Variants in NBN observed in about 807,000 individuals in gnomAD.
The protein encoded by NBN is Nijmegen breakage syndrome 1 (nibrin).
NBN carries 88 observed loss-of-function variants against 90.8 expected under a neutral mutation model. The observed-to-expected ratio is 0.97, with a 90% CI of 0.82 to 1.16. The LOEUF (loss-of-function observed/expected upper bound fraction) is 1.16. NBN is among the 50% of genes most tolerant of loss of function. The pLI, the probability that NBN is intolerant of heterozygous loss-of-function variation, is 0.00. For synonymous variants in NBN, 328 were observed against 295.1 expected, an observed-to-expected ratio of 1.11 and a Z score of -1.14; for missense variants, 894 against 869.6, an observed-to-expected ratio of 1.03 and a Z score of -0.35.
At chr8:89,976,421 T>C (rs1466435877) in intron 5 of NBN, among the ~76,000 whole-genome samples, 1 of 152,234 alleles carries the variant, frequency 6.6e-6, no homozygotes, top group Non-Finnish European at 1.5e-5. Flanking sequence ...CCTGAAAGCT[T>C]AGGTTAGATA....
At chr8:89,959,218 A>C (rs1435277010) in intron 8 of NBN, among the ~76,000 whole-genome samples, 1 of 152,228 alleles carries the variant, frequency 6.6e-6, no homozygotes, top group Non-Finnish European at 1.5e-5. Flanking sequence ...CCATCTATAG[A>C]AATCAGAATT....
chr8:89,960,299 T>C (rs993147257), intron 8 of NBN, among the ~76,000 whole-genome samples: 2 of 152,190 alleles, frequency 1.3e-5, no homozygotes, highest in Admixed American at 1.3e-4. Context: ...CTAGAATTCA[T>C]TTTCAGCTGC....
At chr8:89,981,584 A>T in intron 2 of NBN, 61 bp from the exon 3 acceptor site, 7 of 1,573,008 alleles carry the variant, frequency 4.5e-6, no homozygotes, top group Non-Finnish European at 6.1e-6. Context: ...TTCTCAGAGA[A>T]AAAGTTTTCA....
At chr8:89,946,048 A>T in intron 13 of NBN, 92 bp downstream of exon 13, 1 of 1,005,082 alleles carries the variant, frequency 9.9e-7, no homozygotes, top group South Asian at 1.4e-5. Context: ...ATCAGTTTTC[A>T]ACATAAACTG....
intron 8 of NBN, among the ~76,000 whole-genome samples, chr8:89,962,993 T>C (rs1016826295): frequency 6.6e-6 from 1 of 150,966 alleles, no homozygotes; most frequent in Admixed American, 6.6e-5. Context: ...ATTTCCTCTC[T>C]GTCCGTCAGT....
intron 12 of NBN, among the ~76,000 whole-genome samples, chr8:89,947,175 A>T (rs539846789): frequency 3.3e-5 from 5 of 152,284 alleles, no homozygotes; most frequent in African/African-American, 1.2e-4. Flanking sequence ...CTCTTATCTG[A>T]TATAAATCCT....
chr8:89,981,694 T>C (rs891529826), intron 2 of NBN, 171 bp from the exon 3 acceptor site: 35 of 684,966 alleles, frequency 5.1e-5, no homozygotes, highest in Non-Finnish European at 1.4e-5. Flanking sequence ...TAACAATTCA[T>C]ATTTCCCCTT....
chr8:89,972,896 T>TA (rs747141042), intron 5 of NBN, among the ~76,000 whole-genome samples: 47 of 152,224 alleles, frequency 3.1e-4, no homozygotes, highest in Non-Finnish European at 6.3e-4. Flanking sequence ...CCCAAAACAC[T>TA]AAAGTTGAAT....
intron 5 of NBN, among the ~76,000 whole-genome samples, chr8:89,977,984 T>C (rs766294779): frequency 5.9e-5 from 9 of 152,364 alleles, no homozygotes; most frequent in Middle Eastern, 6.8e-3. Flanking sequence ...TTTCCATTTT[T>C]TTCTTTAAAT....
intron 2 of NBN, chr8:89,982,064 CT>C: frequency 3.2e-6 from 2 of 619,616 alleles, no homozygotes; most frequent in South Asian, 1.8e-5. Flanking sequence ...TATATGCAAT[CT>C]TTGATTAAAA....
rs876658177 is a variant in NBN, at chr8:89,971,254, A to G, written c.621T>C (p.Ser207=). Reference sequence around the variant, plus strand: ...GCCGTCCTGACAGATCAACATTTTTACTTCCAATAGATGGTTCATCAAGAG... The same window carrying G: ...GCCGTCCTGACAGATCAACATTTTTGCTTCCAATAGATGGTTCATCAAGAG... ...YPPLDEPSIG[S]KNVDLSGRQE... The change falls in exon 6 of 16, where the codon AGT becomes AGC. Residue 207 remains serine (S), a synonymous_variant. Transcript: ENST00000265433. The G allele has an allele frequency of 4.3e-6, 7 of 1,613,100 alleles. No homozygotes were observed. The highest frequency in any genetic ancestry group is 1.7e-5 in the Admixed American group (1 of 59,978).
chr8:89,968,253 A>G (rs1811343753), intron 7 of NBN, among the ~76,000 whole-genome samples: 1 of 152,038 alleles, frequency 6.6e-6, no homozygotes, highest in African/African-American at 2.4e-5. Context: ...CCATGTCTCA[A>G]CATCCCCCCA....
intron 11 of NBN, among the ~76,000 whole-genome samples, chr8:89,949,655 T>C (rs1160297566): frequency 6.6e-6 from 1 of 152,168 alleles, no homozygotes; most frequent in African/African-American, 2.4e-5. Flanking sequence ...CTTACAGACA[T>C]GCTATAATCT....
At position 89,978,256 on chromosome 8, in the gene NBN, G is replaced by A; in HGVS notation, c.548C>T (p.Ala183Val). 6.2e-7 allele frequency: 1 copy of A among 1,605,006 alleles called. No individual in the cohort carries two copies. The highest frequency in any genetic ancestry group is 1.1e-5 in the South Asian group (1 of 90,806). The change falls in exon 5 of 16, where the codon GCA (alanine) becomes GTA (valine). Residue 183 changes from alanine to valine, a missense_variant. Coordinates refer to ENST00000265433, the MANE Select transcript of NBN (RefSeq NM_002485.5). The stretch of plus-strand genomic sequence containing the variant: ...TGGAGGCTGCTTCTTGGACTCAACT[G>A]CTTTCAGGAATTCAGTAAAATATTC... ...KPEYFTEFLKAVESKKQPPQI... is the reference protein window; with the variant it reads ...KPEYFTEFLKVVESKKQPPQI...
Position 89,935,829 on chromosome 8 carries a change from CAAT to C in NBN, c.2235-220_2235-218del, listed in dbSNP as rs527762933. ...ATGGTAAAAACAAAAAAAAAATCAA[CAAT>C]AACAAAAATCCTTTAAAGCTTTAAA... On this transcript the variant is annotated intron_variant, in intron 15 of 15. Transcript: ENST00000265433. Among the ~76,000 whole-genome samples the C allele has an allele frequency of 4.3e-3, 653 of 151,848 alleles. 6 individuals carry two copies. The highest frequency in any genetic ancestry group is 0.014 in the African/African-American group (574 of 41,420).
At chr8:89,966,407 G>C (rs1303603412) in intron 7 of NBN, among the ~76,000 whole-genome samples, 1 of 152,172 alleles carries the variant, frequency 6.6e-6, no homozygotes, top group East Asian at 1.9e-4. Flanking sequence ...TACAGCAGTA[G>C]TGAACTAGAA....
At chr8:89,947,982 T>C in intron 11 of NBN, 90 bp from the exon 12 acceptor site, 1 of 750,314 alleles carries the variant, frequency 1.3e-6, no homozygotes, top group Non-Finnish European at 2.2e-6. Context: ...AGATGAAGTG[T>C]AAAATGGTTC....
Position 89,935,173 on chromosome 8 carries a change from T to TA in NBN, c.*408dup, listed in dbSNP as rs1330341296. ...GCTATCATTTGTGTAGGAAATTATT[T>TA]AAAAATAGGAATTTGAATAGGACTC... On this transcript the variant is annotated 3_prime_UTR_variant, in exon 16 of 16. Transcript: ENST00000265433. The TA allele has an allele frequency of 3.8e-6, 1 of 264,942 alleles. No homozygotes were observed. Among genetic ancestry groups the TA allele is most frequent in the Non-Finnish European group, 7.3e-6 (1 of 137,004 alleles). 16.4% of individuals were successfully genotyped at this position (264,942 alleles called of 1,614,324 possible). A position where few individuals can be genotyped will look rare whatever the true frequency, so the allele number is the denominator to read the frequency against.
At chr8:89,982,912 C>G in intron 1 of NBN, 57 bp from the exon 2 acceptor site, 1 of 1,523,602 alleles carries the variant, frequency 6.6e-7, no homozygotes, top group Non-Finnish European at 9.1e-7. Flanking sequence ...CACATGTACA[C>G]GAACACACAC....
Sources: gnomAD v4.1 joint callset for allele counts (sites outside exome capture counted in the v4.1 genomes callset) on GRCh38, gnomAD v4.1.1 for gene constraint, MANE v1.5 for transcripts, NCBI Gene and HGNC (gene_info 2026-07-23, HGNC 2026-07-21) for gene names.